The following ZMYND8 variants were observed in gnomAD, a reference collection of about 807,000 sequenced individuals.
ZMYND8 encodes MYND-type zinc finger-containing chromatin reader ZMYND8.
ZMYND8 carries 37 observed loss-of-function variants against 140.8 expected under a neutral mutation model. That is an observed-to-expected ratio of 0.26 (90% CI 0.20 to 0.35). The LOEUF (loss-of-function observed/expected upper bound fraction) is 0.35, where lower values mean the gene tolerates loss of function less well. Among genes scored for constraint, ZMYND8 ranks in the 10% least tolerant of loss-of-function variants. The pLI is 1.00. For missense variants in ZMYND8, 1,068 were observed against 1,570.0 expected (o/e 0.68, Z 5.40); for synonymous variants, 592 against 597.1 (o/e 0.99, Z 0.12).
chr20:47,220,761 T>C (rs1368456034), intron 20 of ZMYND8, among the ~76,000 whole-genome samples: 1 of 152,172 alleles, frequency 6.6e-6, no homozygotes, highest in Non-Finnish European at 1.5e-5. Context: ...TTTCCTAATA[T>C]GCAATGAAAT....
At chr20:47,319,910 C>T (rs1451388522) in intron 2 of ZMYND8, 1 of 139,906 alleles carries the variant, frequency 7.1e-6, no homozygotes, top group African/African-American at 2.6e-5. Context: ...AACATGTGTA[C>T]ATGAGGCCCT....
At chr20:47,353,702 G>A (rs1246811718) in intron 1 of ZMYND8, 2 of 152,308 alleles carry the variant, frequency 1.3e-5, no homozygotes, top group South Asian at 2.1e-4. Flanking sequence ...TGGGGACTGA[G>A]GAGGCAGAAG....
chr20:47,234,380 A>T (rs1227808196), intron 16 of ZMYND8, among the ~76,000 whole-genome samples: 2 of 152,234 alleles, frequency 1.3e-5, no homozygotes, highest in Non-Finnish European at 2.9e-5. Context: ...GCAAGCTGCC[A>T]TGCTGGGGAG....
intron 12 of ZMYND8, among the ~76,000 whole-genome samples, chr20:47,250,611 A>T (rs1203417733): frequency 6.6e-6 from 1 of 152,202 alleles, no homozygotes; most frequent in East Asian, 1.9e-4. Flanking sequence ...AAGAGGCCCC[A>T]GAATCTAGTC....
chr20:47,355,520 A>C, intron 1 of ZMYND8: 1 of 985,378 alleles, frequency 1.0e-6, no homozygotes, highest in South Asian at 4.7e-5. Flanking sequence ...CAGATTTGGG[A>C]CTTGATCAAA....
At chr20:47,338,681 A>G (rs1169652958) in intron 2 of ZMYND8, among the ~76,000 whole-genome samples, 3 of 152,158 alleles carry the variant, frequency 2.0e-5, no homozygotes, top group Admixed American at 6.5e-5. Context: ...ACTATGGGGC[A>G]CGAGAGCTCA....
At chr20:47,272,146 C>T (rs1338801585) in intron 11 of ZMYND8, among the ~76,000 whole-genome samples, 1 of 151,554 alleles carries the variant, frequency 6.6e-6, no homozygotes, top group African/African-American at 2.4e-5. Context: ...GGTGCGATCT[C>T]GGCTCACTGC....
chr20:47,249,154 G>T, intron 13 of ZMYND8, 133 bp downstream of exon 13: 2 of 1,090,464 alleles, frequency 1.8e-6, no homozygotes, highest in Non-Finnish European at 2.6e-6. Flanking sequence ...TATTTTAGCT[G>T]AGCAAATAGT....
At chr20:47,354,276 G>A (rs897828073) in intron 1 of ZMYND8, 4 of 152,124 alleles carry the variant, frequency 2.6e-5, no homozygotes, top group Non-Finnish European at 5.9e-5. Context: ...AGCTTTTAGA[G>A]GACAAATGCC....
chr20:47,318,680 T>C (rs2079624158), intron 2 of ZMYND8: 1 of 456,218 alleles, frequency 2.2e-6, no homozygotes, highest in African/African-American at 2.0e-5. Context: ...AGGACCGGTC[T>C]GCACCCTGGC....
At chr20:47,315,657 T>C (rs2079327611) in intron 2 of ZMYND8, among the ~76,000 whole-genome samples, 1 of 152,164 alleles carries the variant, frequency 6.6e-6, no homozygotes, top group Non-Finnish European at 1.5e-5. Flanking sequence ...TTTTTTCTTC[T>C]TTAATGATTT....
intron 12 of ZMYND8, among the ~76,000 whole-genome samples, chr20:47,261,707 T>C (rs1452998459): frequency 6.6e-6 from 1 of 152,090 alleles, no homozygotes; most frequent in African/African-American, 2.4e-5. Flanking sequence ...TTCTGTGCCA[T>C]GGGTATAATT....
Position 47,210,029 on chromosome 20 carries a change from C to CTTGT in ZMYND8, c.*728_*731dup, listed in dbSNP as rs931834069. The stretch of plus-strand genomic sequence containing the variant: ...TCTCCTGTGACTGAGCTGAGTGGGG[C>CTTGT]TTGTTTGTTTCTCTTCTGTAAACAA... On this transcript the variant is annotated 3_prime_UTR_variant, in exon 23 of 23. Coordinates refer to ENST00000471951, the MANE Select transcript of ZMYND8 (RefSeq NM_001281775.3). 1.3e-5 allele frequency: 2 copies of CTTGT among 152,576 alleles called. No individual in the cohort carries two copies. Among genetic ancestry groups the CTTGT allele is most frequent in the African/African-American group, 4.8e-5 (2 of 41,430 alleles). 9.5% of individuals were successfully genotyped at this position (152,576 alleles called of 1,614,324 possible).
intron 3 of ZMYND8, among the ~76,000 whole-genome samples, chr20:47,306,132 A>G (rs2078461718): frequency 6.6e-6 from 1 of 152,238 alleles, no homozygotes; most frequent in Admixed American, 6.5e-5. Context: ...TCATGCCTGT[A>G]ATCCCAACAC....
chr20:47,240,250 C>T (rs534998475), intron 14 of ZMYND8, among the ~76,000 whole-genome samples: 2 of 151,536 alleles, frequency 1.3e-5, no homozygotes, highest in Non-Finnish European at 2.9e-5. Context: ...CGCAGTGGCT[C>T]ACGCCTGTAA....
chr20:47,323,568 C>T (rs1307676182), intron 2 of ZMYND8, among the ~76,000 whole-genome samples: 4 of 152,114 alleles, frequency 2.6e-5, no homozygotes, highest in Non-Finnish European at 5.9e-5. Flanking sequence ...TCTTCCAAGC[C>T]TGTTTTTAAA....
chr20:47,277,095 A>G (rs1334124574), intron 10 of ZMYND8, among the ~76,000 whole-genome samples: 1 of 152,212 alleles, frequency 6.6e-6, no homozygotes, highest in Non-Finnish European at 1.5e-5. Context: ...AGAGAAAAAT[A>G]AATCAGCCAC....
Position 47,262,317 on chromosome 20 carries a change from G to A in ZMYND8, c.1592C>T (p.Thr531Ile). ...GTTAAGATTCAGGATGCTGCCGGTG[G>A]TGGAGGTTTTGTCCGTTTTCGTCGT... ...PITTKTDKTSTTGSILNLNLD... is the reference protein window; with the variant it reads ...PITTKTDKTSITGSILNLNLD... The change falls in exon 12 of 23, where the codon ACC becomes ATC. Residue 531 changes from threonine (T) to isoleucine (I), a missense_variant. Thr to Ile is a moderately conservative substitution (Grantham distance 89). This residue lies in a region of ZMYND8 where 173 missense variants were observed against 223.3 expected (regional missense o/e 0.77). Transcript: ENST00000471951. 6.2e-7 allele frequency: 1 copy of A among 1,614,140 alleles called. No individual in the cohort carries two copies. The highest frequency in any genetic ancestry group is 8.5e-7 in the Non-Finnish European group (1 of 1,180,028).
intron 12 of ZMYND8, among the ~76,000 whole-genome samples, chr20:47,259,534 G>A (rs2075002987): frequency 6.6e-6 from 1 of 152,122 alleles, no homozygotes; most frequent in Non-Finnish European, 1.5e-5. Flanking sequence ...AACCACCAAA[G>A]GCGTGGAATT....
Sources: allele counts gnomAD v4.1 joint callset (sites outside exome capture counted in the v4.1 genomes callset), GRCh38; gene constraint gnomAD v4.1.1; regional missense constraint gnomAD v4.1.1; transcripts MANE v1.5; gene names NCBI Gene and HGNC (gene_info 2026-07-23, HGNC 2026-07-21).